The following TMIGD3 variants were observed in gnomAD, a reference collection of about 807,000 sequenced individuals.
TMIGD3 encodes AD026 protein (AD026).
TMIGD3 carries 21 observed loss-of-function variants against 28.1 expected under a neutral mutation model. That is an observed-to-expected ratio of 0.75 (90% CI 0.53 to 1.08). The LOEUF is 1.08. Among genes scored for constraint, TMIGD3 ranks in the 50% least tolerant of loss-of-function variants. The pLI is 0.00. For missense variants in TMIGD3, 416 were observed against 435.6 expected, an observed-to-expected ratio of 0.96 and a Z score of 0.40; for synonymous variants, 151 against 162.1, an observed-to-expected ratio of 0.93 and a Z score of 0.52.
chr1:111,522,641 T>C (rs750074884), intron 1 of TMIGD3, among the ~76,000 whole-genome samples: 1 of 151,794 alleles, frequency 6.6e-6, no homozygotes, highest in Non-Finnish European at 1.5e-5. Context: ...CTCAGCCTCC[T>C]GAGTAGCTGG....
intron 2 of TMIGD3, 48 bp downstream of exon 2, chr1:111,490,608 G>GA (rs759725781): frequency 4.1e-6 from 6 of 1,454,934 alleles, no homozygotes; most frequent in Non-Finnish European, 4.8e-6. Flanking sequence ...AAAGTCTCTG[G>GA]AAAGGCCACA....
chr1:111,556,114 C>A (rs867012546), intron 1 of TMIGD3, among the ~76,000 whole-genome samples: 1 of 152,094 alleles, frequency 6.6e-6, no homozygotes, highest in African/African-American at 2.4e-5. Context: ...CAAAGGACTT[C>A]AGTAAACGTT....
intron 1 of TMIGD3, among the ~76,000 whole-genome samples, chr1:111,540,304 C>T (rs1451903666): frequency 6.6e-6 from 1 of 152,210 alleles, no homozygotes; most frequent in Non-Finnish European, 1.5e-5. Flanking sequence ...CACTAGGCAC[C>T]AATGCAGCTC....
At chr1:111,488,227 C>CA (rs1654478373) in intron 3 of TMIGD3, among the ~76,000 whole-genome samples, 1 of 144,060 alleles carries the variant, frequency 6.9e-6, no homozygotes, top group Non-Finnish European at 1.5e-5. Flanking sequence ...GGCACACAGA[C>CA]TTTTTTTTTT....
intron 1 of TMIGD3, among the ~76,000 whole-genome samples, chr1:111,552,051 A>G (rs759086459): frequency 1.3e-5 from 2 of 152,156 alleles, no homozygotes; most frequent in Non-Finnish European, 2.9e-5. Context: ...TGGTTAATCT[A>G]TTGTTTGCCC....
chr1:111,517,204 G>T (rs953012871), intron 1 of TMIGD3, among the ~76,000 whole-genome samples: 3 of 152,166 alleles, frequency 2.0e-5, no homozygotes, highest in Admixed American at 6.5e-5. Flanking sequence ...GTCTCTCCTG[G>T]AGAGACTGAG....
intron 5 of TMIGD3, 118 bp downstream of exon 5, chr1:111,485,622 T>C: frequency 1.3e-6 from 1 of 760,024 alleles, no homozygotes; most frequent in Non-Finnish European, 2.1e-6. Flanking sequence ...GCTGCATTGG[T>C]CTCCAGGTGA....
intron 1 of TMIGD3, among the ~76,000 whole-genome samples, chr1:111,538,513 C>A (rs1656716346): frequency 6.6e-6 from 1 of 152,114 alleles, no homozygotes; most frequent in South Asian, 2.1e-4. Context: ...CACATCTGGC[C>A]CTTCATGGGG....
chr1:111,510,611 C>G (rs544751204), intron 1 of TMIGD3, among the ~76,000 whole-genome samples: 3 of 152,060 alleles, frequency 2.0e-5, no homozygotes, highest in South Asian at 2.1e-4. Context: ...TTCTAGGATG[C>G]CTTTGTGCCC....
intron 1 of TMIGD3, among the ~76,000 whole-genome samples, chr1:111,509,041 G>A (rs1009762137): frequency 3.3e-5 from 5 of 152,202 alleles, no homozygotes; most frequent in Non-Finnish European, 7.3e-5. Flanking sequence ...GTTGCAGTGA[G>A]GTGAGATCGC....
intron 1 of TMIGD3, among the ~76,000 whole-genome samples, chr1:111,555,920 A>G (rs903897856): frequency 2.6e-5 from 4 of 152,338 alleles, no homozygotes; most frequent in Non-Finnish European, 5.9e-5. Flanking sequence ...AAATTGAACT[A>G]CATCAAAATT....
intron 1 of TMIGD3, among the ~76,000 whole-genome samples, chr1:111,515,266 G>A (rs1655821083): frequency 6.6e-6 from 1 of 152,156 alleles, no homozygotes; most frequent in Non-Finnish European, 1.5e-5. Flanking sequence ...GCGCAAGGGG[G>A]AAGATCCACT....
chr1:111,559,796 T>C (rs1436879521), intron 1 of TMIGD3, among the ~76,000 whole-genome samples: 1 of 152,252 alleles, frequency 6.6e-6, no homozygotes, highest in Non-Finnish European at 1.5e-5. Flanking sequence ...TGAGTCTAGC[T>C]ATGAGGTGGC....
chr1:111,489,728 G>T (rs932316042), intron 2 of TMIGD3: 1 of 1,052,816 alleles, frequency 9.5e-7, no homozygotes, highest in South Asian at 2.9e-5. Context: ...AGAAAGTGAT[G>T]TTTGGAGGCT....
chr1:111,532,801 C>A (rs896292754), intron 1 of TMIGD3, among the ~76,000 whole-genome samples: 2 of 152,142 alleles, frequency 1.3e-5, no homozygotes, highest in Non-Finnish European at 2.9e-5. Flanking sequence ...AAGGCAATGG[C>A]ACACTCCTTC....
chr1:111,507,037 GTGTA>G (rs1282674023), upstream of TMIGD3, among the ~76,000 whole-genome samples: 25 of 48,644 alleles, frequency 5.1e-4, no homozygotes, highest in Non-Finnish European at 8.8e-4. Flanking sequence ...GTGTGTGTGT[GTGTA>G]TATATATATA....
At chr1:111,485,543 G>A (rs1169920367) in intron 5 of TMIGD3, 197 bp downstream of exon 5, 1 of 510,076 alleles carries the variant, frequency 2.0e-6, no homozygotes, top group Non-Finnish European at 3.5e-6. Context: ...GAAAGCTCCA[G>A]TGCTCCCTCT....
intron 1 of TMIGD3, among the ~76,000 whole-genome samples, chr1:111,496,584 CTTT>C (rs1654896885): frequency 6.6e-6 from 1 of 152,182 alleles, no homozygotes. Context: ...AATATATTTT[CTTT>C]GTCTTACTTT....
chr1:111,563,956 T>G, exon 1 of TMIGD3: 3 of 1,610,754 alleles, frequency 1.9e-6, no homozygotes, highest in Non-Finnish European at 2.5e-6. Context: ...CTTCCATTGG[T>G]CCAACTGGTG....
Sources: allele counts gnomAD v4.1 joint callset (sites outside exome capture counted in the v4.1 genomes callset), GRCh38; gene constraint gnomAD v4.1.1; transcripts MANE v1.5; gene names NCBI Gene and HGNC (gene_info 2026-07-23, HGNC 2026-07-21).